The following RTTN variants were observed in gnomAD, a reference collection of about 807,000 sequenced individuals.
RTTN encodes the protein rotatin.
Under a neutral mutation model 269.2 loss-of-function variants are expected in RTTN, and 182 were observed. That is an observed-to-expected ratio of 0.68 (90% confidence interval 0.60 to 0.76). The LOEUF is 0.76. Ranked by LOEUF, RTTN falls within the 30% of genes least tolerant of loss-of-function variation. RTTN has a pLI of 0.00. For missense variants in RTTN, 2,545 were observed against 2,608.6 expected (o/e 0.98, Z 0.53); for synonymous variants, 1,006 against 963.5 (o/e 1.04, Z -0.82).
chr18:70,014,934 T>A (rs2056495153), intron 46 of RTTN, among the ~76,000 whole-genome samples: 1 of 152,230 alleles, frequency 6.6e-6, no homozygotes, highest in Admixed American at 6.5e-5. Flanking sequence ...TGGGCAAGAC[T>A]TTCAATCAAA....
chr18:70,134,851 T>C (rs1243240009), intron 22 of RTTN, among the ~76,000 whole-genome samples: 1 of 152,164 alleles, frequency 6.6e-6, no homozygotes, highest in African/African-American at 2.4e-5. Flanking sequence ...ACTATCGTCC[T>C]AAATATCTTC....
At chr18:70,006,270 T>C (rs926674383) in intron 47 of RTTN, 111 bp downstream of exon 47, 1 of 704,320 alleles carries the variant, frequency 1.4e-6, no homozygotes, top group African/African-American at 1.8e-5. Context: ...TGATTTTGTC[T>C]TTTTTCTTTT....
At chr18:70,004,777 C>T (rs983249759) in intron 48 of RTTN, among the ~76,000 whole-genome samples, 3 of 152,032 alleles carry the variant, frequency 2.0e-5, no homozygotes, top group African/African-American at 4.8e-5. Flanking sequence ...AAAAGAAAAC[C>T]GTCTCTAGTA....
chr18:70,200,604 T>C (rs2061922374), intron 4 of RTTN, among the ~76,000 whole-genome samples: 1 of 152,274 alleles, frequency 6.6e-6, no homozygotes, highest in Non-Finnish European at 1.5e-5. Context: ...TTTTCAGTTC[T>C]TTCTTGTTAT....
chr18:70,164,296 T>TGACCTCCCTC (rs2060929062), intron 14 of RTTN, among the ~76,000 whole-genome samples: 1 of 150,812 alleles, frequency 6.6e-6, no homozygotes, highest in African/African-American at 2.4e-5. Flanking sequence ...CTCTGTACCT[T>TGACCTCCCTC]GACCTCCCAG....
At chr18:70,052,133 T>A (rs2057688114) in intron 38 of RTTN, among the ~76,000 whole-genome samples, 1 of 152,206 alleles carries the variant, frequency 6.6e-6, no homozygotes, top group Non-Finnish European at 1.5e-5. Context: ...TTCCCTTCTC[T>A]CCACTCAGGT....
At chr18:70,079,098 G>C in intron 32 of RTTN, among the ~76,000 whole-genome samples, 1 of 152,054 alleles carries the variant, frequency 6.6e-6, no homozygotes, top group East Asian at 1.9e-4. Flanking sequence ...ATGCTATTTA[G>C]ATATACAGTG....
intron 40 of RTTN, among the ~76,000 whole-genome samples, chr18:70,032,619 G>A (rs77158947): frequency 0.014 from 2,195 of 152,244 alleles, 52 homozygotes; most frequent in African/African-American, 0.051. Context: ...AATTCAACAA[G>A]GCAACCTAGC....
At chr18:70,017,754 A>C in intron 45 of RTTN, 80 bp from the exon 46 acceptor site, 1 of 1,072,104 alleles carries the variant, frequency 9.3e-7, no homozygotes, top group Non-Finnish European at 1.3e-6. Flanking sequence ...CAATTAACTA[A>C]CATTCTGATA....
chr18:70,135,532 G>T (rs1459539499), intron 21 of RTTN, among the ~76,000 whole-genome samples: 1 of 152,202 alleles, frequency 6.6e-6, no homozygotes, highest in East Asian at 1.9e-4. Flanking sequence ...GTTCTCAGAG[G>T]ATGCAGATGC....
intron 46 of RTTN, chr18:70,008,855 G>A (rs1019561758): frequency 1.3e-5 from 2 of 152,158 alleles, no homozygotes; most frequent in Admixed American, 6.5e-5. Flanking sequence ...TTAAATGCAA[G>A]AGAACTTCCC....
intron 40 of RTTN, among the ~76,000 whole-genome samples, chr18:70,032,649 C>G (rs907274718): frequency 2.0e-5 from 3 of 152,184 alleles, no homozygotes; most frequent in Admixed American, 6.5e-5. Flanking sequence ...TATATATGCA[C>G]TAAACACAGA....
At chr18:70,136,634 T>C (rs144607248) in intron 21 of RTTN, among the ~76,000 whole-genome samples, 1,874 of 152,074 alleles carry the variant, frequency 0.012, 23 homozygotes, top group South Asian at 0.038. Flanking sequence ...AAAACAATTA[T>C]ATATTTTTAC....
Position 70,059,909 on chromosome 18 carries a change from A to T in RTTN, c.4881T>A (p.Ile1627=). The change falls in exon 36 of 49, where the codon ATT becomes ATA. Residue 1627 remains isoleucine (I), a synonymous_variant. Coordinates refer to ENST00000640769, the MANE Select transcript of RTTN (RefSeq NM_173630.4). ...MCSLLDNLLT[I]APRDTAKAFR... ...AAGCCTTTGCAGTGTCTCTGGGAGC[A>T]ATCGTCAAGAGGTTGTCCAAGAGGC... is the stretch of plus-strand genomic sequence containing the variant. 1 of 1,613,652 alleles carries T rather than the reference A, an allele frequency of 6.2e-7. No homozygotes were observed. Among genetic ancestry groups the T allele is most frequent in the Non-Finnish European group, 8.5e-7 (1 of 1,179,710 alleles).
intron 34 of RTTN, among the ~76,000 whole-genome samples, chr18:70,067,342 G>A (rs1287391727): frequency 5.9e-5 from 9 of 152,068 alleles, no homozygotes; most frequent in Non-Finnish European, 1.2e-4. Context: ...TGTATTTTTA[G>A]TAGAGGCAGG....
intron 33 of RTTN, among the ~76,000 whole-genome samples, chr18:70,074,522 G>A (rs1481769908): frequency 1.3e-5 from 2 of 151,908 alleles, no homozygotes; most frequent in Non-Finnish European, 2.9e-5. Context: ...CTCTTAAATG[G>A]CTCAAAAAGA....
intron 26 of RTTN, among the ~76,000 whole-genome samples, chr18:70,118,459 C>CA (rs200689561): frequency 0.016 from 2,490 of 151,474 alleles, 62 homozygotes; most frequent in African/African-American, 0.057. Flanking sequence ...AGTCTTTCAC[C>CA]AAAAAAAAGC....
intron 32 of RTTN, 96 bp downstream of exon 32, chr18:70,086,517 G>T (rs2058701725): frequency 6.0e-6 from 6 of 996,780 alleles, no homozygotes; most frequent in Non-Finnish European, 9.3e-6. Context: ...CTTGTATATA[G>T]TTTCATCAAT....
chr18:70,066,452 C>T (rs2058137302), intron 34 of RTTN, among the ~76,000 whole-genome samples: 1 of 152,080 alleles, frequency 6.6e-6, no homozygotes, highest in Non-Finnish European at 1.5e-5. Context: ...TTAAATATAA[C>T]AAAATCCGTG....
Sources: allele counts gnomAD v4.1 joint callset (sites outside exome capture counted in the v4.1 genomes callset), GRCh38; gene constraint gnomAD v4.1.1; transcripts MANE v1.5; gene names NCBI Gene and HGNC (gene_info 2026-07-23, HGNC 2026-07-21).